TNFSF4: variants seen among roughly 807,000 people sequenced by gnomAD.
TNFSF4 encodes the protein tumor necrosis factor ligand superfamily member 4.
Under a neutral mutation model 7.3 loss-of-function variants are expected in TNFSF4, and 4 were observed. That is an observed-to-expected ratio of 0.55 (90% CI 0.27 to 1.25). The LOEUF (loss-of-function observed/expected upper bound fraction) is 1.25. Ranked by LOEUF, TNFSF4 falls within the 50% of genes most tolerant of loss-of-function variation. TNFSF4 has a pLI of 0.12. For missense variants in TNFSF4, 181 were observed against 208.8 expected (o/e 0.87, Z 0.82); for synonymous variants, 76 against 83.7 (o/e 0.91, Z 0.50).
the TNFSF4 span, among the ~76,000 whole-genome samples, chr1:173,442,435 T>C: frequency 6.6e-6 from 1 of 152,132 alleles, no homozygotes; most frequent in African/African-American, 2.4e-5. Context: ...ATTTCAATCA[T>C]TTGCTTCTAA....
At chr1:173,218,119 T>C in the TNFSF4 span, among the ~76,000 whole-genome samples, 1 of 152,088 alleles carries the variant, frequency 6.6e-6, no homozygotes, top group Non-Finnish European at 1.5e-5. Flanking sequence ...ACACACATGG[T>C]AGGATGATGC....
At chr1:173,183,580 C>G (rs1234823350), downstream of TNFSF4, among the ~76,000 whole-genome samples, 2 of 152,134 alleles carry the variant, frequency 1.3e-5, no homozygotes, top group Non-Finnish European at 2.9e-5. Flanking sequence ...GGCTTTGCCA[C>G]CTCAACCATC....
At chr1:173,395,037 TGATAGATAGATAGATAGATAGATAGATA>T in the TNFSF4 span, among the ~76,000 whole-genome samples, 1 of 94,068 alleles carries the variant, frequency 1.1e-5, no homozygotes, top group African/African-American at 4.2e-5. Flanking sequence ...GATAGATAGA[TGATAGATAGATAGATAGATAGATAGATA>T]GATAGATAGA....
the TNFSF4 span, among the ~76,000 whole-genome samples, chr1:173,400,185 T>C: frequency 3.9e-5 from 6 of 152,370 alleles, no homozygotes; most frequent in East Asian, 3.9e-4. Flanking sequence ...TCACTTGTCT[T>C]ACCGTGTTTT....
chr1:173,414,970 A>T, the TNFSF4 span, among the ~76,000 whole-genome samples: 126 of 152,266 alleles, frequency 8.3e-4, no homozygotes, highest in African/African-American at 2.6e-3. Context: ...TGTTAAGTCC[A>T]TTTACTGAGA....
the TNFSF4 span, among the ~76,000 whole-genome samples, chr1:173,424,103 T>C: frequency 6.6e-6 from 1 of 152,216 alleles, no homozygotes; most frequent in African/African-American, 2.4e-5. Context: ...CCAGGAAGGC[T>C]CTGCTCTCAG....
the TNFSF4 span, among the ~76,000 whole-genome samples, chr1:173,252,359 TA>T: frequency 4.6e-5 from 7 of 152,210 alleles, no homozygotes; most frequent in Non-Finnish European, 1.0e-4. Flanking sequence ...TAGCTTCATA[TA>T]ATCTTCATAC....
the TNFSF4 span, among the ~76,000 whole-genome samples, chr1:173,384,747 T>G: frequency 6.6e-6 from 1 of 152,154 alleles, no homozygotes. Flanking sequence ...TCCAATAAGG[T>G]GCATATACAC....
At chr1:173,408,273 A>T in the TNFSF4 span, among the ~76,000 whole-genome samples, 8 of 152,328 alleles carry the variant, frequency 5.3e-5, no homozygotes, top group South Asian at 1.5e-3. Flanking sequence ...AAGGACATGT[A>T]CAAAGAATGA....
the TNFSF4 span, among the ~76,000 whole-genome samples, chr1:173,224,450 A>AC: frequency 6.6e-6 from 1 of 152,076 alleles, no homozygotes; most frequent in Non-Finnish European, 1.5e-5. Context: ...GAAAACACTT[A>AC]TTTTTTTATG....
At chr1:173,406,061 G>A in the TNFSF4 span, among the ~76,000 whole-genome samples, 1 of 152,064 alleles carries the variant, frequency 6.6e-6, no homozygotes, top group Admixed American at 6.6e-5. Flanking sequence ...AAGGAGGGTG[G>A]GCCCAGATCA....
chr1:173,204,695 T>G (rs547391797), intron 1 of TNFSF4, among the ~76,000 whole-genome samples: 2 of 152,268 alleles, frequency 1.3e-5, no homozygotes, highest in East Asian at 3.9e-4. Flanking sequence ...TGTAACATTA[T>G]GTCTTATAAA....
At chr1:173,374,399 C>G in the TNFSF4 span, among the ~76,000 whole-genome samples, 1 of 152,120 alleles carries the variant, frequency 6.6e-6, no homozygotes, top group Non-Finnish European at 1.5e-5. Context: ...TCTCTACCCC[C>G]ACTGCAGTTA....
At chr1:173,349,414 T>C in the TNFSF4 span, among the ~76,000 whole-genome samples, 1 of 152,236 alleles carries the variant, frequency 6.6e-6, no homozygotes, top group African/African-American at 2.4e-5. Flanking sequence ...ATGTATTCGA[T>C]GGACTTTTTG....
At chr1:173,304,575 A>G in the TNFSF4 span, among the ~76,000 whole-genome samples, 1 of 151,944 alleles carries the variant, frequency 6.6e-6, no homozygotes, top group Admixed American at 6.6e-5. Flanking sequence ...CACAACTACA[A>G]ACTCTGACCC....
At chr1:173,358,555 G>A in the TNFSF4 span, among the ~76,000 whole-genome samples, 19 of 152,156 alleles carry the variant, frequency 1.2e-4, no homozygotes, top group Admixed American at 1.1e-3. Context: ...TTGCACTCCT[G>A]GGTGTACATT....
the TNFSF4 span, among the ~76,000 whole-genome samples, chr1:173,351,362 T>C: frequency 6.6e-6 from 1 of 152,258 alleles, no homozygotes; most frequent in Admixed American, 6.5e-5. Context: ...CTTTGTGTTA[T>C]GGTCCCATAG....
At chr1:173,398,307 A>C in the TNFSF4 span, among the ~76,000 whole-genome samples, 2,018 of 152,060 alleles carry the variant, frequency 0.013, 22 homozygotes, top group South Asian at 0.033. Context: ...AGCAAAAAGT[A>C]GATTCTACTC....
chr1:173,181,199 A>G (rs1392136604), downstream of TNFSF4, among the ~76,000 whole-genome samples: 1 of 152,218 alleles, frequency 6.6e-6, no homozygotes, highest in Non-Finnish European at 1.5e-5. Flanking sequence ...AGAGCACTGG[A>G]CTGAAATGAC....
Sources: gnomAD v4.1 joint callset for allele counts (sites outside exome capture counted in the v4.1 genomes callset) on GRCh38, gnomAD v4.1.1 for gene constraint, MANE v1.5 for transcripts, NCBI Gene and HGNC (gene_info 2026-07-23, HGNC 2026-07-21) for gene names.